The following DNAAF9 variants were observed in gnomAD, a reference collection of about 807,000 sequenced individuals.
DNAAF9 encodes shulin.
DNAAF9 carries 90 observed loss-of-function variants against 167.0 expected under a neutral mutation model. That is an observed-to-expected ratio of 0.54 (90% CI 0.45 to 0.64). The LOEUF (loss-of-function observed/expected upper bound fraction) is 0.64, where lower values mean the gene tolerates loss of function less well. Among genes scored for constraint, DNAAF9 ranks in the 30% least tolerant of loss-of-function variants. The pLI, the probability that DNAAF9 is intolerant of heterozygous loss-of-function variation, is 0.00. For missense variants in DNAAF9, 1,315 were observed against 1,442.2 expected (o/e 0.91, Z 1.43); for synonymous variants, 491 against 508.8 (o/e 0.96, Z 0.47).
chr20:3,323,296 T>C (rs2069651741), intron 14 of DNAAF9, among the ~76,000 whole-genome samples: 1 of 139,382 alleles, frequency 7.2e-6, no homozygotes, highest in African/African-American at 2.7e-5. Flanking sequence ...TTTTTTTTTT[T>C]TTTGAGACAG....
At chr20:3,343,866 T>C in intron 8 of DNAAF9, 135 bp from the exon 9 acceptor site, 1 of 583,452 alleles carries the variant, frequency 1.7e-6, no homozygotes, top group Non-Finnish European at 3.0e-6. Flanking sequence ...TGTGCGTGTG[T>C]GCATGTGCGT....
At chr20:3,361,290 T>C (rs556120202) in intron 6 of DNAAF9, among the ~76,000 whole-genome samples, 20 of 152,212 alleles carry the variant, frequency 1.3e-4, no homozygotes, top group South Asian at 4.1e-4. Context: ...TTACAATCTA[T>C]GCTTTGGCCA....
Position 3,256,121 on chromosome 20 carries a change from T to G in DNAAF9, c.3146A>C (p.Asp1049Ala), listed in dbSNP as rs199661270. The change falls in exon 34 of 37, where the codon GAC becomes GCC. Residue 1049 changes from aspartate to alanine, a missense_variant. Physicochemically the swap from Asp to Ala is moderately radical, Grantham distance 126 (BLOSUM62 -2). This residue lies in a region of DNAAF9 where 334 missense variants were observed against 429.7 expected (regional missense o/e 0.78). Coordinates refer to ENST00000252032, the MANE Select transcript of DNAAF9 (RefSeq NM_001009984.3). ...PVLEGPTPPP[D>A]SKSVSQDSSG... ...GCTGTCTTGAGATACGCTTTTGGAG[T>G]CTGGTGGTGGTGTGGGTCCTTCCAA... The G allele has an allele frequency of 6.2e-7, 1 of 1,613,958 alleles. No homozygotes were observed. The highest frequency in any genetic ancestry group is 1.1e-5 in the South Asian group (1 of 91,064).
At chr20:3,367,445 T>C (rs2083445127) in intron 6 of DNAAF9, among the ~76,000 whole-genome samples, 2 of 152,250 alleles carry the variant, frequency 1.3e-5, no homozygotes, top group African/African-American at 4.8e-5. Flanking sequence ...GGTCTAGCTT[T>C]CAGCCTGTCT....
intron 34 of DNAAF9, 37 bp downstream of exon 34, chr20:3,255,969 A>C: frequency 6.6e-7 from 1 of 1,524,304 alleles, no homozygotes; most frequent in Non-Finnish European, 9.1e-7. Flanking sequence ...GTGTCTGGTC[A>C]CATCTGTGTC....
intron 1 of DNAAF9, among the ~76,000 whole-genome samples, chr20:3,394,121 T>A (rs566689285): frequency 1.3e-5 from 2 of 152,300 alleles, no homozygotes; most frequent in East Asian, 3.9e-4. Context: ...GTGGATCATC[T>A]GAGACCAGAC....
Position 3,249,668 on chromosome 20 carries a change from G to A in DNAAF9, c.*2904C>T, listed in dbSNP as rs1449195622. 1 of 152,134 alleles carries A rather than the reference G, an allele frequency of 6.6e-6. No homozygotes were observed. Among genetic ancestry groups the A allele is most frequent in the African/African-American group, 2.4e-5 (1 of 41,434 alleles). 9.4% of individuals were successfully genotyped at this position (152,134 alleles called of 1,614,324 possible). A position where few individuals can be genotyped will look rare whatever the true frequency, so the allele number is the denominator to read the frequency against. ...GAAGCCAGTTCTCACCTACTTTTTT[G>A]AGGTACAACTATCCAACTAGATCAG... On this transcript the variant is annotated 3_prime_UTR_variant, in exon 37 of 37. Coordinates refer to ENST00000252032, the MANE Select transcript of DNAAF9 (RefSeq NM_001009984.3).
chr20:3,262,931 T>A (rs923495637), intron 31 of DNAAF9, among the ~76,000 whole-genome samples: 5 of 151,772 alleles, frequency 3.3e-5, no homozygotes, highest in Admixed American at 1.3e-4. Context: ...CCCTCTGGGA[T>A]TTTTTTGGTT....
intron 21 of DNAAF9, among the ~76,000 whole-genome samples, chr20:3,303,780 G>A (rs919130512): frequency 2.6e-5 from 4 of 152,222 alleles, no homozygotes; most frequent in African/African-American, 9.7e-5. Context: ...GCACTGAGAC[G>A]AGCTGTGCCT....
intron 35 of DNAAF9, 137 bp from the exon 36 acceptor site, chr20:3,253,956 G>C: frequency 1.6e-6 from 1 of 612,256 alleles, no homozygotes; most frequent in Non-Finnish European, 2.9e-6. Flanking sequence ...TAACACCCCC[G>C]GCAAACCTCA....
intron 7 of DNAAF9, among the ~76,000 whole-genome samples, chr20:3,357,882 C>T (rs1354873463): frequency 2.6e-5 from 4 of 151,954 alleles, no homozygotes; most frequent in East Asian, 1.9e-4. Flanking sequence ...TGGTGATGCA[C>T]GCCTGTAGTC....
chr20:3,364,706 A>T (rs745816046), intron 6 of DNAAF9, among the ~76,000 whole-genome samples: 6 of 152,220 alleles, frequency 3.9e-5, no homozygotes, highest in Non-Finnish European at 7.3e-5. Flanking sequence ...TCAAATGTAC[A>T]CACCTTAATT....
chr20:3,341,379 A>G (rs533231887), intron 9 of DNAAF9, among the ~76,000 whole-genome samples: 132 of 151,558 alleles, frequency 8.7e-4, no homozygotes, highest in African/African-American at 3.0e-3. Flanking sequence ...GCAAGACTGC[A>G]CTCCCCTCAG....
intron 35 of DNAAF9, 32 bp from the exon 36 acceptor site, chr20:3,253,851 C>T (rs1170490342): frequency 2.5e-6 from 3 of 1,176,644 alleles, no homozygotes; most frequent in Non-Finnish European, 3.8e-6. Flanking sequence ...TAATAATTAT[C>T]TGACTACTTT....
intron 25 of DNAAF9, among the ~76,000 whole-genome samples, chr20:3,292,945 G>T (rs1471886057): frequency 6.6e-6 from 1 of 151,862 alleles, no homozygotes; most frequent in African/African-American, 2.4e-5. Context: ...AATTAACAGG[G>T]CGTGGTGGCA....
intron 31 of DNAAF9, among the ~76,000 whole-genome samples, chr20:3,262,214 G>A (rs1338994627): frequency 6.6e-6 from 1 of 151,708 alleles, no homozygotes; most frequent in East Asian, 1.9e-4. Context: ...TCTCTATAAG[G>A]ACTGATCTTC....
chr20:3,301,903 T>G (rs940205050), intron 21 of DNAAF9, among the ~76,000 whole-genome samples: 5 of 152,062 alleles, frequency 3.3e-5, no homozygotes, highest in Admixed American at 1.3e-4. Flanking sequence ...TTCCCAATTT[T>G]AAAAATTTGC....
At chr20:3,283,919 G>C (rs961659960) in intron 27 of DNAAF9, among the ~76,000 whole-genome samples, 2 of 152,108 alleles carry the variant, frequency 1.3e-5, no homozygotes, top group African/African-American at 4.8e-5. Context: ...GGTTTTCAGA[G>C]CATTTCATTA....
At chr20:3,340,454 C>CCCCCCCCCAAA in intron 10 of DNAAF9, 50 bp downstream of exon 10, 1 of 1,053,078 alleles carries the variant, frequency 9.5e-7, no homozygotes, top group Non-Finnish European at 1.3e-6. Flanking sequence ...ACCCCACCCC[C>CCCCCCCCCAAA]ACAACTTGAT....
Sources: gnomAD v4.1 joint callset for allele counts (sites outside exome capture counted in the v4.1 genomes callset) on GRCh38, gnomAD v4.1.1 for gene constraint, gnomAD v4.1.1 regional missense constraint, MANE v1.5 for transcripts, NCBI Gene and HGNC (gene_info 2026-07-23, HGNC 2026-07-21) for gene names.